The following CDIN1 variants were observed in gnomAD, a reference collection of about 807,000 sequenced individuals.
CDIN1 encodes the protein CDAN1-interacting nuclease 1.
CDIN1 carries 33 observed loss-of-function variants against 45.3 expected under a neutral mutation model. That is an observed-to-expected ratio of 0.73 (90% CI 0.55 to 0.97). The LOEUF is 0.97. CDIN1 is among the 50% of genes least tolerant of loss of function. The pLI, the probability that CDIN1 is intolerant of heterozygous loss-of-function variation, is 0.00. For missense variants in CDIN1, 303 were observed against 339.4 expected (o/e 0.89, Z 0.84); for synonymous variants, 118 against 124.4 (o/e 0.95, Z 0.34).
intron 5 of CDIN1, among the ~76,000 whole-genome samples, chr15:36,676,232 CA>C (rs1390377850): frequency 6.6e-6 from 1 of 152,160 alleles, no homozygotes; most frequent in African/African-American, 2.4e-5. Flanking sequence ...CCCTCTCCTA[CA>C]ATTTAAGATA....
chr15:36,602,163 A>ATGGTTTTGGTTGG (rs1386149901), intron 1 of CDIN1, among the ~76,000 whole-genome samples: 25 of 152,354 alleles, frequency 1.6e-4, no homozygotes, highest in African/African-American at 6.0e-4. Context: ...GAAGGGGCTG[A>ATGGTTTTGGTTGG]TGGTTTTGGT....
chr15:36,620,337 C>T (rs959379293), intron 1 of CDIN1, among the ~76,000 whole-genome samples: 6 of 151,300 alleles, frequency 4.0e-5, no homozygotes, highest in East Asian at 1.9e-4. Context: ...GGCGACAAAG[C>T]GAAACTCTGT....
At position 36,657,873 on chromosome 15, in the gene CDIN1, A is replaced by G; in HGVS notation, c.314A>G (p.Glu105Gly). The G allele has an allele frequency of 6.2e-7, 1 of 1,612,044 alleles. No individual in the cohort carries two copies. Residue 105 changes from glutamate to glycine, a missense_variant, in exon 5 of 11, where the codon GAG becomes GGG. Coordinates refer to ENST00000566621, the MANE Select transcript of CDIN1 (RefSeq NM_001321759.2). ...TCATTAATGGCTCGGCTTATACTGG[A>G]GAGGTTTCTACAGGAACACGAGGAA... Reference protein sequence around the residue: ...APSLMARLILERFLQEHEETP... With the variant: ...APSLMARLILGRFLQEHEETP...
chr15:36,618,897 G>A (rs1324566688), intron 1 of CDIN1: 7 of 1,237,994 alleles, frequency 5.7e-6, no homozygotes, highest in Middle Eastern at 2.6e-4. Context: ...CCATGTAATC[G>A]TAACATAAAT....
At chr15:36,728,670 GA>G (rs527384818) in intron 10 of CDIN1, among the ~76,000 whole-genome samples, 1 of 150,824 alleles carries the variant, frequency 6.6e-6, no homozygotes, top group Non-Finnish European at 1.5e-5. Context: ...CTTAAAATGT[GA>G]AAAAAATTTT....
chr15:36,679,447 G>A (rs2041773260), intron 5 of CDIN1, among the ~76,000 whole-genome samples: 1 of 152,176 alleles, frequency 6.6e-6, no homozygotes. Context: ...ACTGAGAGGT[G>A]TCAACATTAA....
At chr15:36,698,050 G>T (rs933266171) in intron 8 of CDIN1, among the ~76,000 whole-genome samples, 1 of 151,962 alleles carries the variant, frequency 6.6e-6, no homozygotes, top group Non-Finnish European at 1.5e-5. Flanking sequence ...ATTTGTAAAG[G>T]TTTCATACAA....
At chr15:36,692,226 G>A in intron 7 of CDIN1, 51 bp downstream of exon 7, 2 of 1,516,800 alleles carry the variant, frequency 1.3e-6, no homozygotes, top group Non-Finnish European at 1.8e-6. Flanking sequence ...CTTAGACTCA[G>A]TGGAGATGTG....
intron 10 of CDIN1, among the ~76,000 whole-genome samples, chr15:36,736,964 C>T (rs1595537014): frequency 6.6e-6 from 1 of 151,926 alleles, no homozygotes. Context: ...GTCAGGAGTT[C>T]AAGACCAGCC....
chr15:36,775,068 C>G (rs1271873503), intron 10 of CDIN1, among the ~76,000 whole-genome samples: 1 of 152,172 alleles, frequency 6.6e-6, no homozygotes, highest in East Asian at 1.9e-4. Flanking sequence ...AGCTAACTAT[C>G]TAATAGGTGA....
chr15:36,664,740 G>A (rs1239839060), intron 5 of CDIN1, among the ~76,000 whole-genome samples: 2 of 152,100 alleles, frequency 1.3e-5, no homozygotes, highest in African/African-American at 4.8e-5. Context: ...TAGAGACGGG[G>A]TTTCACCATG....
At chr15:36,709,354 A>T in intron 9 of CDIN1, 66 bp downstream of exon 9, 1 of 1,210,242 alleles carries the variant, frequency 8.3e-7, no homozygotes, top group South Asian at 1.6e-5. Flanking sequence ...TAATTTTTTT[A>T]TGTTAATATT....
In CDIN1 at chr15:36,635,768, TC is replaced by T. The variant is rs572555089; in HGVS notation, c.102-8509del. Among the ~76,000 whole-genome samples, 207 of 152,250 alleles carry T rather than the reference TC, an allele frequency of 1.4e-3. 1 individual carries two copies. In the Middle Eastern group the frequency reaches 0.017, roughly 13 times the overall value. On this transcript the variant is annotated intron_variant, in intron 1 of 10. Transcript: ENST00000566621. ...TGCAGGGAACTTATATGAAGAAGAA[TC>T]AAATAGAAAATTTAGAACTGAAAAA...
intron 10 of CDIN1, among the ~76,000 whole-genome samples, chr15:36,739,442 A>G (rs78963280): frequency 0.036 from 5,540 of 152,070 alleles, 351 homozygotes; most frequent in African/African-American, 0.13. Context: ...AAAACAAAAC[A>G]AAAAACAAAG....
At chr15:36,742,859 G>A (rs1172534822) in intron 10 of CDIN1, among the ~76,000 whole-genome samples, 1 of 152,164 alleles carries the variant, frequency 6.6e-6, no homozygotes, top group Non-Finnish European at 1.5e-5. Flanking sequence ...AAACAAAAAT[G>A]TTAACAAGGA....
At chr15:36,751,229 TTA>T (rs10557235) in intron 10 of CDIN1, among the ~76,000 whole-genome samples, 5,077 of 97,486 alleles carry the variant, frequency 0.052, 157 homozygotes, top group South Asian at 0.08. Context: ...TATGCTTATT[TTA>T]TATATATATA....
intron 1 of CDIN1, among the ~76,000 whole-genome samples, chr15:36,598,174 T>A (rs1177097333): frequency 1.3e-5 from 2 of 152,070 alleles, no homozygotes; most frequent in Admixed American, 1.3e-4. Context: ...GTATTTTTAG[T>A]AGAGACGGGG....
intron 7 of CDIN1, among the ~76,000 whole-genome samples, chr15:36,695,824 G>T (rs533887115): frequency 6.7e-6 from 1 of 150,280 alleles, no homozygotes; most frequent in African/African-American, 2.5e-5. Flanking sequence ...TCCAGCCTGG[G>T]CAAGACCAAG....
intron 1 of CDIN1, among the ~76,000 whole-genome samples, chr15:36,589,376 T>C (rs2037458496): frequency 6.6e-6 from 1 of 152,230 alleles, no homozygotes. Flanking sequence ...TGTTTTCAAA[T>C]GTATACTTGA....
Sources: allele counts gnomAD v4.1 joint callset (sites outside exome capture counted in the v4.1 genomes callset), GRCh38; gene constraint gnomAD v4.1.1; transcripts MANE v1.5; gene names NCBI Gene and HGNC (gene_info 2026-07-23, HGNC 2026-07-21).